Variants in APOBEC1 observed in about 807,000 individuals in gnomAD.
The protein encoded by APOBEC1 is C->U-editing enzyme APOBEC-1.
In APOBEC1, 22 loss-of-function variants were observed where a neutral mutation model predicts 26.3. That is an observed-to-expected ratio of 0.84 (90% confidence interval 0.60 to 1.19). The LOEUF (loss-of-function observed/expected upper bound fraction) is 1.19, where lower values mean the gene tolerates loss of function less well. APOBEC1 is among the 50% of genes most tolerant of loss of function. The pLI is 0.00. For missense variants in APOBEC1, 253 were observed against 289.0 expected, an observed-to-expected ratio of 0.88 and a Z score of 0.90; for synonymous variants, 77 against 95.3, an observed-to-expected ratio of 0.81 and a Z score of 1.12.
chr12:7,667,921 A>AG (rs940165390), upstream of APOBEC1, among the ~76,000 whole-genome samples: 4 of 66,166 alleles, frequency 6.0e-5, no homozygotes, highest in Admixed American at 1.4e-4. Flanking sequence ...AAAAAAAAAA[A>AG]GAAAAAAAAA....
chr12:7,657,477 A>G (rs1863732653), intron 1 of APOBEC1, among the ~76,000 whole-genome samples: 1 of 152,190 alleles, frequency 6.6e-6, no homozygotes. Context: ...ATTCCCATGA[A>G]AAGAAAGTGA....
At chr12:7,657,609 A>G (rs1863734692) in intron 1 of APOBEC1, among the ~76,000 whole-genome samples, 1 of 151,632 alleles carries the variant, frequency 6.6e-6, no homozygotes, top group South Asian at 2.1e-4. Flanking sequence ...GCAGTGACTC[A>G]CACCTGTAAT....
intron 3 of APOBEC1, among the ~76,000 whole-genome samples, chr12:7,651,977 C>T (rs1319580667): frequency 2.0e-5 from 3 of 151,988 alleles, no homozygotes; most frequent in East Asian, 3.9e-4. Flanking sequence ...CCCGCCACCA[C>T]GCCTGGCTAA....
rs757666880 is a variant in APOBEC1, at chr12:7,665,517, C to G, written c.16+340G>C. Among the ~76,000 whole-genome samples, 196 of 152,088 alleles carry G rather than the reference C, an allele frequency of 1.3e-3. 2 individuals carry two copies. The highest frequency in any genetic ancestry group is 4.7e-3 in the African/African-American group (193 of 41,490). The stretch of plus-strand genomic sequence containing the variant: ...TTCACCATGTTGGCCAGGCTGGTCT[C>G]AAACCCTGGGCCTCAAGTGATCCAC... On this transcript the variant is annotated intron_variant, in intron 1 of 4. Coordinates refer to ENST00000229304, the MANE Select transcript of APOBEC1 (RefSeq NM_001644.5).
upstream of APOBEC1, among the ~76,000 whole-genome samples, chr12:7,670,076 C>A (rs6488571): frequency 7.5e-6 from 1 of 132,912 alleles, no homozygotes; most frequent in African/African-American, 2.9e-5. Context: ...CTCCTCCTCC[C>A]GGGTTCAGGT....
intron 1 of APOBEC1, among the ~76,000 whole-genome samples, chr12:7,664,542 G>C (rs913991787): frequency 1.3e-5 from 2 of 152,046 alleles, no homozygotes; most frequent in African/African-American, 4.8e-5. Context: ...CCAGACACAA[G>C]TCTCTATAAA....
chr12:7,650,965 AC>A, intron 4 of APOBEC1, 57 bp downstream of exon 4: 1 of 1,262,226 alleles, frequency 7.9e-7, no homozygotes, highest in South Asian at 1.3e-5. Flanking sequence ...CTCAGGAAAG[AC>A]CTTTGAAGAA....
chr12:7,662,682 A>G (rs910473130), intron 1 of APOBEC1, among the ~76,000 whole-genome samples: 1 of 152,232 alleles, frequency 6.6e-6, no homozygotes, highest in Non-Finnish European at 1.5e-5. Context: ...GAAGACATCT[A>G]TAAAGAGGGA....
At chr12:7,655,586 G>A (rs1382171765) in intron 1 of APOBEC1, among the ~76,000 whole-genome samples, 2 of 152,108 alleles carry the variant, frequency 1.3e-5, no homozygotes, top group Non-Finnish European at 2.9e-5. Context: ...GCCTAATGTA[G>A]ACATGGGCAT....
chr12:7,651,111 T>C lies in APOBEC1; in HGVS notation c.473A>G (p.Asn158Ser). The change falls in exon 4 of 5, where the codon AAC (asparagine) becomes AGC (serine). Residue 158 changes from asparagine to serine, a missense_variant. Coordinates refer to ENST00000229304, the MANE Select transcript of APOBEC1 (RefSeq NM_001644.5). ...EYYHCWRNFV[N>S]YPPGDEAHWP... ...GTGAGCTTCATCCCCAGGTGGGTAG[T>C]TGACAAAATTCCTCCAGCAGTGATA... 1 of 1,614,052 alleles carries C rather than the reference T, an allele frequency of 6.2e-7. No individual in the cohort carries two copies. The highest frequency in any genetic ancestry group is 1.7e-5 in the Admixed American group (1 of 60,010).
At chr12:7,659,784 A>C (rs1240009330) in intron 1 of APOBEC1, among the ~76,000 whole-genome samples, 1 of 152,006 alleles carries the variant, frequency 6.6e-6, no homozygotes, top group East Asian at 1.9e-4. Context: ...CCTGGCTAAC[A>C]CGGTGAAAAC....
Position 7,652,438 on chromosome 12 carries a change from C to A in APOBEC1, c.442G>T (p.Glu148Ter), listed in dbSNP as rs1273460786. Residue 148 changes from glutamate to a stop codon, truncating the protein, a stop_gained and splice_region_variant, in exon 3 of 5, where the codon GAG (glutamate) becomes TAG (stop). Coordinates refer to ENST00000229304, the MANE Select transcript of APOBEC1 (RefSeq NM_001644.5). LOFTEE classifies it high-confidence loss of function. ...GVTIQIMRAS[E>*]YYHCWRNFVN... is the part of the protein sequence containing the mutation. ...AAGTTTCTTTGTTTACTGTTTTTAC[C>A]TGATGCTCTCATAATCTGAATAGTT... is the stretch of plus-strand genomic sequence containing the variant. The A allele has an allele frequency of 6.2e-7, 1 of 1,605,534 alleles. No individual in the cohort carries two copies. Among genetic ancestry groups the A allele is most frequent in the East Asian group, 2.2e-5 (1 of 44,790 alleles).
intron 2 of APOBEC1, among the ~76,000 whole-genome samples, chr12:7,653,673 C>A (rs1379642462): frequency 6.6e-6 from 1 of 151,992 alleles, no homozygotes; most frequent in Non-Finnish European, 1.5e-5. Context: ...ATGTTCCAAT[C>A]CTTATCTTTT....
intron 1 of APOBEC1, among the ~76,000 whole-genome samples, chr12:7,661,903 T>A (rs1383275429): frequency 6.6e-6 from 1 of 152,176 alleles, no homozygotes; most frequent in Non-Finnish European, 1.5e-5. Flanking sequence ...AAATTCCCAA[T>A]GCACAGGGCT....
chr12:7,660,367 G>GAAAGAAAAA (rs1565442341), intron 1 of APOBEC1, among the ~76,000 whole-genome samples: 1 of 16,810 alleles, frequency 5.9e-5, no homozygotes, highest in African/African-American at 2.1e-4. Flanking sequence ...AAGGAAGGAA[G>GAAAGAAAAA]GAAGGAAGGA....
intron 1 of APOBEC1, among the ~76,000 whole-genome samples, chr12:7,664,826 G>C (rs770749402): frequency 6.6e-6 from 1 of 151,526 alleles, no homozygotes; most frequent in African/African-American, 2.4e-5. Context: ...AGGATCTCTT[G>C]AGCCCAGGAG....
Position 7,664,900 on chromosome 12 carries a change from T to TAA in APOBEC1, c.16+955_16+956dup, listed in dbSNP as rs397850472. On this transcript the variant is annotated intron_variant, in intron 1 of 4. Transcript: ENST00000229304. ...CCAGCCTAGGCAACAGGGCGAGTCT[T>TAA]AAAAAAAAAAAAAAAAAAATTTGGT... 6.6e-3 allele frequency among the ~76,000 whole-genome samples: 899 copies of TAA among 135,216 alleles called. 23 individuals are homozygous for TAA. Among genetic ancestry groups the TAA allele is most frequent in the East Asian group, 0.062 (284 of 4,562 alleles). The allele number at this position is 135,216 out of a possible 152,430, so 88.7% of individuals were successfully genotyped here.
At chr12:7,650,014 G>A (rs117076191) in intron 4 of APOBEC1, among the ~76,000 whole-genome samples, 1 of 151,820 alleles carries the variant, frequency 6.6e-6, no homozygotes, top group African/African-American at 2.4e-5. Flanking sequence ...ATGTGGTTTC[G>A]CCATGTTGCC....
intron 1 of APOBEC1, among the ~76,000 whole-genome samples, chr12:7,664,618 A>G (rs1048339273): frequency 6.6e-6 from 1 of 152,208 alleles, no homozygotes; most frequent in African/African-American, 2.4e-5. Flanking sequence ...TTGTCGATCC[A>G]AAGTCTGCCC....
Sources: gnomAD v4.1 joint callset for allele counts (sites outside exome capture counted in the v4.1 genomes callset) on GRCh38, gnomAD v4.1.1 for gene constraint, MANE v1.5 for transcripts, NCBI Gene and HGNC (gene_info 2026-07-23, HGNC 2026-07-21) for gene names.